The following DLGAP1 variants were observed in gnomAD, a reference collection of about 807,000 sequenced individuals.
DLGAP1 encodes the protein disks large-associated protein 1.
Under a neutral mutation model 90.8 loss-of-function variants are expected in DLGAP1, and 11 were observed. The ratio of observed to expected loss-of-function variants is 0.12; its 90% confidence interval spans 0.08 to 0.20. DLGAP1 has a LOEUF of 0.20. Among genes scored for constraint, DLGAP1 ranks in the 10% least tolerant of loss-of-function variants. The pLI, the probability that DLGAP1 is intolerant of heterozygous loss-of-function variation, is 1.00. For missense variants in DLGAP1, 1,050 were observed against 1,333.8 expected, an observed-to-expected ratio of 0.79 and a Z score of 3.31; for synonymous variants, 558 against 540.7, an observed-to-expected ratio of 1.03 and a Z score of -0.44.
At chr18:3,608,432 A>ATTGT (rs1599514733) in intron 7 of DLGAP1, 4 of 152,060 alleles carry the variant, frequency 2.6e-5, no homozygotes, top group Admixed American at 2.6e-4. Flanking sequence ...TGGACCTGGT[A>ATTGT]TTGTTTGAGA....
At chr18:4,220,935 T>A (rs754978854) in intron 1 of DLGAP1, among the ~76,000 whole-genome samples, 3 of 152,168 alleles carry the variant, frequency 2.0e-5, no homozygotes, top group Non-Finnish European at 4.4e-5. Flanking sequence ...TTTTTCTATG[T>A]TTAGATATGT....
intron 2 of DLGAP1, among the ~76,000 whole-genome samples, chr18:4,066,331 A>G (rs2075369407): frequency 6.6e-6 from 1 of 152,196 alleles, no homozygotes; most frequent in Admixed American, 6.5e-5. Flanking sequence ...TAAACTAGAG[A>G]GCTTCTGTAC....
intron 6 of DLGAP1, among the ~76,000 whole-genome samples, chr18:3,736,446 G>A (rs192579086): frequency 3.3e-4 from 50 of 152,156 alleles, no homozygotes; most frequent in South Asian, 1.5e-3. Context: ...AGTTTTTCTA[G>A]ACCAACTCCT....
At chr18:4,126,450 ACTTGCC>A (rs1249684821) in intron 2 of DLGAP1, among the ~76,000 whole-genome samples, 1 of 152,180 alleles carries the variant, frequency 6.6e-6, no homozygotes, top group African/African-American at 2.4e-5. Context: ...AGTTTAAAAT[ACTTGCC>A]CAGCACATTT....
Position 4,003,071 on chromosome 18 carries a change from G to A in DLGAP1, c.-73+2045C>T, listed in dbSNP as rs139399394. On this transcript the variant is annotated intron_variant, in intron 3 of 12. Transcript: ENST00000315677. ...TCTCCTTCCTTTCCTCCCCTAAGAA[G>A]CTTTGAGCCCTGATTCTTCACCAGG... 4.6e-3 allele frequency among the ~76,000 whole-genome samples: 708 copies of A among 152,304 alleles called. 5 individuals carry two copies. Among genetic ancestry groups the A allele is most frequent in the African/African-American group, 0.016 (672 of 41,558 alleles).
intron 2 of DLGAP1, among the ~76,000 whole-genome samples, chr18:4,111,873 T>A (rs1162094524): frequency 6.6e-6 from 1 of 151,742 alleles, no homozygotes; most frequent in Admixed American, 6.6e-5. Context: ...TTTGTTGATG[T>A]TTTCAAATAA....
chr18:3,786,862 C>G (rs1180568127), intron 5 of DLGAP1, among the ~76,000 whole-genome samples: 1 of 152,178 alleles, frequency 6.6e-6, no homozygotes, highest in Non-Finnish European at 1.5e-5. Context: ...ATGACGAACT[C>G]TGGCTTCTAG....
At chr18:3,996,374 T>C (rs1444254271) in intron 3 of DLGAP1, among the ~76,000 whole-genome samples, 8 of 152,060 alleles carry the variant, frequency 5.3e-5, no homozygotes, top group African/African-American at 9.7e-5. Context: ...TTAAAACTGA[T>C]TGATACTCAA....
At chr18:4,313,290 T>G (rs1158415643) in intron 1 of DLGAP1, among the ~76,000 whole-genome samples, 2 of 152,106 alleles carry the variant, frequency 1.3e-5, no homozygotes, top group Non-Finnish European at 2.9e-5. Flanking sequence ...AGATGTGGGT[T>G]GGGTGGATAG....
chr18:3,907,684 C>T (rs2071939977), intron 3 of DLGAP1, among the ~76,000 whole-genome samples: 2 of 152,244 alleles, frequency 1.3e-5, no homozygotes, highest in East Asian at 3.9e-4. Context: ...CACAGGTACA[C>T]CCACTTCAAG....
intron 2 of DLGAP1, among the ~76,000 whole-genome samples, chr18:4,074,620 G>C (rs1361380383): frequency 6.6e-6 from 1 of 151,820 alleles, no homozygotes; most frequent in Admixed American, 6.6e-5. Flanking sequence ...TTCTACCCAG[G>C]TCCAATGAGT....
chr18:3,763,151 G>A (rs1468782733), intron 5 of DLGAP1, among the ~76,000 whole-genome samples: 2 of 152,130 alleles, frequency 1.3e-5, no homozygotes, highest in Non-Finnish European at 2.9e-5. Flanking sequence ...TAATTTGGGT[G>A]GACACCATCT....
intron 7 of DLGAP1, among the ~76,000 whole-genome samples, chr18:3,679,197 A>AC (rs71160909): frequency 0.089 from 11,010 of 123,470 alleles, 550 homozygotes; most frequent in East Asian, 0.28. Context: ...TTCCCTCCCC[A>AC]CCCCCTACTC....
intron 3 of DLGAP1, among the ~76,000 whole-genome samples, chr18:3,989,630 A>C (rs1278476936): frequency 6.6e-6 from 1 of 152,238 alleles, no homozygotes; most frequent in South Asian, 2.1e-4. Flanking sequence ...TTTGAAGTTA[A>C]AAAACAAAGG....
intron 2 of DLGAP1, among the ~76,000 whole-genome samples, chr18:4,127,636 C>T (rs905036421): frequency 6.6e-6 from 1 of 152,100 alleles, no homozygotes; most frequent in African/African-American, 2.4e-5. Context: ...AAAAACATAA[C>T]TCAGCATAAT....
intron 4 of DLGAP1, among the ~76,000 whole-genome samples, chr18:3,878,586 G>T (rs534827467): frequency 2.0e-5 from 3 of 152,212 alleles, no homozygotes; most frequent in African/African-American, 7.2e-5. Context: ...CTGTGCCCTC[G>T]ATGTGGAAGC....
chr18:3,703,890 C>T (rs537043239), intron 7 of DLGAP1, among the ~76,000 whole-genome samples: 77 of 152,258 alleles, frequency 5.1e-4, no homozygotes, highest in African/African-American at 1.9e-3. Context: ...TTACTGCACC[C>T]TACATGATAC....
chr18:4,336,122 G>A (rs1321972541), intron 1 of DLGAP1, among the ~76,000 whole-genome samples: 2 of 152,178 alleles, frequency 1.3e-5, no homozygotes, highest in South Asian at 2.1e-4. Context: ...TGCACGTGCC[G>A]ACAATGCCCT....
At chr18:3,656,892 G>A (rs950201960) in intron 7 of DLGAP1, among the ~76,000 whole-genome samples, 3 of 151,968 alleles carry the variant, frequency 2.0e-5, no homozygotes, top group African/African-American at 4.8e-5. Flanking sequence ...GACTACAGGC[G>A]CCCGCCAGCA....
Sources: allele counts gnomAD v4.1 joint callset (sites outside exome capture counted in the v4.1 genomes callset), GRCh38; gene constraint gnomAD v4.1.1; transcripts MANE v1.5; gene names NCBI Gene and HGNC (gene_info 2026-07-23, HGNC 2026-07-21).